AGBL4: variants seen among roughly 807,000 people sequenced by gnomAD.
AGBL4 encodes the protein AGBL carboxypeptidase 4, also known as cytosolic carboxypeptidase 6.
AGBL4 carries 58 observed loss-of-function variants against 66.4 expected under a neutral mutation model. The ratio of observed to expected loss-of-function variants is 0.87; its 90% CI spans 0.71 to 1.09. The LOEUF (loss-of-function observed/expected upper bound fraction) is 1.09, where lower values mean the gene tolerates loss of function less well. Among genes scored for constraint, AGBL4 ranks in the 50% least tolerant of loss-of-function variants. The pLI is 0.00. For synonymous variants in AGBL4, 234 were observed against 222.9 expected (o/e 1.05, Z -0.44); for missense variants, 579 against 631.0 (o/e 0.92, Z 0.88).
chr1:50,019,625 G>A (rs1260085377), intron 1 of AGBL4, among the ~76,000 whole-genome samples: 1 of 151,950 alleles, frequency 6.6e-6, no homozygotes, highest in Non-Finnish European at 1.5e-5. Context: ...TTATTTCACA[G>A]AGAGTGATAA....
chr1:48,956,831 ACAATATTCC>A (rs1657489839), intron 5 of AGBL4, among the ~76,000 whole-genome samples: 1 of 152,218 alleles, frequency 6.6e-6, no homozygotes. Flanking sequence ...TGAGACAATA[ACAATATTCC>A]CAAAAGGCCA....
intron 5 of AGBL4, among the ~76,000 whole-genome samples, chr1:48,975,221 A>G (rs1403186063): frequency 6.6e-6 from 1 of 152,200 alleles, no homozygotes; most frequent in Non-Finnish European, 1.5e-5. Flanking sequence ...GCACAATGAC[A>G]GGTGGGCCTT....
At chr1:49,527,943 A>G (rs978437681) in intron 3 of AGBL4, among the ~76,000 whole-genome samples, 1 of 152,150 alleles carries the variant, frequency 6.6e-6, no homozygotes, top group African/African-American at 2.4e-5. Context: ...TCAAATCTGC[A>G]ATGTGTAACT....
Position 48,926,831 on chromosome 1 carries a change from T to A in AGBL4, c.595-59601A>T, listed in dbSNP as rs186707681. ...AATAGTAGCACTAGCAATGATAGTATTAATAATAGAAATACAAGTGTTAGT... is the reference window on the plus strand; with the variant it reads ...AATAGTAGCACTAGCAATGATAGTAATAATAATAGAAATACAAGTGTTAGT... On this transcript the variant is annotated intron_variant, in intron 5 of 13. Transcript: ENST00000371839. Among the ~76,000 whole-genome samples, 401 of 152,228 alleles carry A rather than the reference T, an allele frequency of 2.6e-3. 1 individual carries two copies. Among genetic ancestry groups the A allele is most frequent in the Non-Finnish European group, 2.8e-3 (192 of 68,016 alleles).
At chr1:49,247,415 T>C (rs563862770) in intron 3 of AGBL4, among the ~76,000 whole-genome samples, 1 of 152,188 alleles carries the variant, frequency 6.6e-6, no homozygotes, top group African/African-American at 2.4e-5. Context: ...CTCTCTTCTG[T>C]CATTAAATTA....
chr1:49,961,512 T>C (rs2148344277), intron 1 of AGBL4, among the ~76,000 whole-genome samples: 1 of 152,180 alleles, frequency 6.6e-6, no homozygotes, highest in East Asian at 1.9e-4. Flanking sequence ...GTCTAAAACA[T>C]AAAATAAAAT....
In AGBL4 at chr1:49,045,629, C is replaced by G. The variant is rs751487992; in HGVS notation, c.549G>C (p.Lys183Asn). The G allele has an allele frequency of 6.2e-7, 1 of 1,601,108 alleles. No homozygotes were observed. The highest frequency in any genetic ancestry group is 8.5e-7 in the Non-Finnish European group (1 of 1,173,364). Residue 183 changes from lysine to asparagine, a missense_variant, in exon 5 of 14, where the codon AAG (lysine) becomes AAC (asparagine). Transcript: ENST00000371839. ...CCCGAAAGAAGTAATCCATGTTTCTCTTTTGCAGGCTGTCAAGGTAATGTT... is the reference window on the plus strand; with the variant it reads ...CCCGAAAGAAGTAATCCATGTTTCTGTTTTGCAGGCTGTCAAGGTAATGTT... ...RFQHYLDSLQ[K>N]RNMDYFFREQ...
At chr1:49,727,658 A>G (rs1649134813) in intron 2 of AGBL4, among the ~76,000 whole-genome samples, 1 of 152,180 alleles carries the variant, frequency 6.6e-6, no homozygotes, top group East Asian at 1.9e-4. Context: ...GCCTTCATTG[A>G]CATTGCTGAT....
At chr1:49,724,323 T>C (rs1285863748) in intron 2 of AGBL4, among the ~76,000 whole-genome samples, 2 of 152,154 alleles carry the variant, frequency 1.3e-5, no homozygotes, top group Admixed American at 6.6e-5. Context: ...TCAAACCCTA[T>C]ATTTTATAAA....
At chr1:48,957,397 T>A (rs1304229080) in intron 5 of AGBL4, among the ~76,000 whole-genome samples, 1 of 152,176 alleles carries the variant, frequency 6.6e-6, no homozygotes, top group Non-Finnish European at 1.5e-5. Flanking sequence ...GTTTACAAAT[T>A]TTGTTATTGC....
intron 3 of AGBL4, among the ~76,000 whole-genome samples, chr1:49,620,672 T>C (rs1437478948): frequency 1.3e-5 from 2 of 152,130 alleles, no homozygotes; most frequent in African/African-American, 2.4e-5. Context: ...TTCACACCTA[T>C]ATATGAGGAA....
chr1:48,841,256 G>A (rs776835199), intron 6 of AGBL4, among the ~76,000 whole-genome samples: 32 of 152,034 alleles, frequency 2.1e-4, no homozygotes, highest in Admixed American at 3.3e-4. Flanking sequence ...TCAATTTAAC[G>A]GTGTGTTAAT....
chr1:48,983,422 G>A (rs184461379), intron 5 of AGBL4, among the ~76,000 whole-genome samples: 1 of 152,272 alleles, frequency 6.6e-6, no homozygotes, highest in East Asian at 1.9e-4. Flanking sequence ...CAACTTGTAT[G>A]GAGATATTAG....
chr1:49,691,964 G>A (rs1646896656), intron 3 of AGBL4, among the ~76,000 whole-genome samples: 1 of 152,014 alleles, frequency 6.6e-6, no homozygotes, highest in African/African-American at 2.4e-5. Flanking sequence ...GTGATCATGT[G>A]AGTTAATACT....
chr1:49,941,994 T>C (rs1415815949), intron 1 of AGBL4, among the ~76,000 whole-genome samples: 1 of 152,106 alleles, frequency 6.6e-6, no homozygotes, highest in Non-Finnish European at 1.5e-5. Context: ...TTATAACAAC[T>C]AATAAAGTAA....
At chr1:49,330,624 C>T (rs1273514126) in intron 3 of AGBL4, among the ~76,000 whole-genome samples, 3 of 152,094 alleles carry the variant, frequency 2.0e-5, no homozygotes, top group Non-Finnish European at 4.4e-5. Flanking sequence ...TATTATGATC[C>T]TTCCTGAAAA....
Position 49,519,481 on chromosome 1 carries a change from T to C in AGBL4, c.282+177832A>G, listed in dbSNP as rs186137799. 1.7e-3 allele frequency among the ~76,000 whole-genome samples: 252 copies of C among 152,188 alleles called. 2 individuals are homozygous for C. The highest frequency in any genetic ancestry group is 5.9e-3 in the African/African-American group (245 of 41,560). Reference sequence around the variant, plus strand: ...ATTTAATACCGGAGTTCATCCTGTTTTACAGGTGAAAAATAAAACAGAGGC... The same window carrying C: ...ATTTAATACCGGAGTTCATCCTGTTCTACAGGTGAAAAATAAAACAGAGGC... On this transcript the variant is annotated intron_variant, in intron 3 of 13. Transcript: ENST00000371839.
rs139489192 is a variant in AGBL4, at chr1:49,564,337, G to C, written c.282+132976C>G. 2.0e-3 allele frequency among the ~76,000 whole-genome samples: 311 copies of C among 152,018 alleles called. 4 individuals carry two copies. The highest frequency in any genetic ancestry group is 1.6e-3 in the Admixed American group (24 of 15,266). ...TCTGCTCTGATTTTAGTTATTTCTT[G>C]CCTTCTGCTAGCTTTTGAATGTGTT... is the stretch of plus-strand genomic sequence containing the variant. On this transcript the variant is annotated intron_variant, in intron 3 of 13. Coordinates refer to ENST00000371839, the MANE Select transcript of AGBL4 (RefSeq NM_032785.4).
intron 3 of AGBL4, among the ~76,000 whole-genome samples, chr1:49,339,816 T>C (rs1645502925): frequency 6.6e-6 from 1 of 152,180 alleles, no homozygotes; most frequent in Non-Finnish European, 1.5e-5. Context: ...AAATTTGGCA[T>C]TATTCCATGG....
Sources: gnomAD v4.1 joint callset for allele counts (sites outside exome capture counted in the v4.1 genomes callset) on GRCh38, gnomAD v4.1.1 for gene constraint, MANE v1.5 for transcripts, NCBI Gene and HGNC (gene_info 2026-07-23, HGNC 2026-07-21) for gene names.